Variants in ELMO1 observed in about 807,000 individuals in gnomAD.
The protein encoded by ELMO1 is engulfment and cell motility protein 1.
In ELMO1, 26 loss-of-function variants were observed where a neutral mutation model predicts 98.9. The observed-to-expected ratio is 0.26, with a 90% CI of 0.19 to 0.36. ELMO1 has a LOEUF of 0.36. Among genes scored for constraint, ELMO1 ranks in the 10% least tolerant of loss-of-function variants. The pLI, the probability that ELMO1 is intolerant of heterozygous loss-of-function variation, is 1.00. For missense variants in ELMO1, 627 were observed against 935.2 expected (o/e 0.67, Z 4.30); for synonymous variants, 346 against 346.0 (o/e 1.00, Z 0.00).
intron 15 of ELMO1, among the ~76,000 whole-genome samples, chr7:37,064,822 C>A (rs1188596583): frequency 1.3e-5 from 2 of 152,144 alleles, no homozygotes; most frequent in Non-Finnish European, 2.9e-5. Flanking sequence ...ACAGTGGATC[C>A]TGTCTATCTG....
chr7:37,446,442 G>A (rs1017589056), intron 1 of ELMO1, among the ~76,000 whole-genome samples: 1 of 152,252 alleles, frequency 6.6e-6, no homozygotes, highest in Middle Eastern at 3.4e-3. Context: ...GCCAGGGAAG[G>A]CCCCCTATAA....
Position 36,886,809 on chromosome 7 carries a change from AT to A in ELMO1, c.1714+750del, listed in dbSNP as rs565950309. 1.8e-3 allele frequency among the ~76,000 whole-genome samples: 273 copies of A among 152,320 alleles called. 1 individual carries two copies. The highest frequency in any genetic ancestry group is 5.9e-3 in the African/African-American group (247 of 41,570). ...CTTTTGACATCCATTTGAATTTGAC[AT>A]TTTGAGGTTAGAATTTATAGAGACA... On this transcript the variant is annotated intron_variant, in intron 18 of 21. Transcript: ENST00000310758.
intron 13 of ELMO1, among the ~76,000 whole-genome samples, chr7:37,210,569 T>C (rs1792903392): frequency 6.6e-6 from 1 of 151,048 alleles, no homozygotes; most frequent in African/African-American, 2.4e-5. Context: ...ATATATAAAA[T>C]ATATACACCT....
At chr7:36,983,619 T>A (rs1045045105) in intron 16 of ELMO1, among the ~76,000 whole-genome samples, 1 of 152,164 alleles carries the variant, frequency 6.6e-6, no homozygotes, top group Admixed American at 6.6e-5. Flanking sequence ...AAAAACTTAG[T>A]CCCATTAGGG....
chr7:37,379,188 T>C (rs1802486799), intron 1 of ELMO1, among the ~76,000 whole-genome samples: 1 of 152,056 alleles, frequency 6.6e-6, no homozygotes, highest in Non-Finnish European at 1.5e-5. Flanking sequence ...TACAGGCGCC[T>C]ACCACCACTC....
intron 14 of ELMO1, among the ~76,000 whole-genome samples, chr7:37,109,759 C>A (rs1785144284): frequency 3.3e-5 from 5 of 152,156 alleles, no homozygotes; most frequent in Admixed American, 3.3e-4. Context: ...GCCTCAACAC[C>A]CACCCGGTCT....
chr7:37,344,529 C>CATAAACTT (rs1800895221), intron 1 of ELMO1, among the ~76,000 whole-genome samples: 3 of 152,296 alleles, frequency 2.0e-5, no homozygotes, highest in South Asian at 4.1e-4. Flanking sequence ...AACTGTGATC[C>CATAAACTT]ATAAACTTAT....
chr7:37,224,799 A>G lies in ELMO1; in HGVS notation c.701+80T>C, dbSNP rs1793776351. 3 of 1,554,472 alleles carry G rather than the reference A, an allele frequency of 1.9e-6. No homozygotes were observed. The African/African-American group carries it at 4.1e-5, about 21-fold the overall frequency. On this transcript the variant is annotated intron_variant, in intron 9 of 21. Transcript: ENST00000310758. ...CTGTACATTTAACCAAACTATAACAACATAAAACGTTTCCCAGTGCATTAC... is the reference window on the plus strand; with the variant it reads ...CTGTACATTTAACCAAACTATAACAGCATAAAACGTTTCCCAGTGCATTAC...
intron 15 of ELMO1, among the ~76,000 whole-genome samples, chr7:37,088,919 G>GAA (rs1370940152): frequency 6.6e-6 from 1 of 152,128 alleles, no homozygotes; most frequent in Non-Finnish European, 1.5e-5. Context: ...TGTAAGAGTA[G>GAA]AACGTGAAAA....
At chr7:37,447,714 C>CCACACACA (rs3054415) in intron 1 of ELMO1, among the ~76,000 whole-genome samples, 3,111 of 132,094 alleles carry the variant, frequency 0.024, 56 homozygotes, top group Middle Eastern at 0.091. Context: ...CGCGCACACA[C>CCACACACA]CACACACACA....
intron 2 of ELMO1, among the ~76,000 whole-genome samples, chr7:37,318,769 C>A (rs1289769715): frequency 6.6e-6 from 1 of 152,164 alleles, no homozygotes; most frequent in Non-Finnish European, 1.5e-5. Flanking sequence ...ATTCTTCCAT[C>A]TACCCCAATC....
chr7:37,120,002 G>C (rs1275466892), intron 14 of ELMO1, among the ~76,000 whole-genome samples: 1 of 152,192 alleles, frequency 6.6e-6, no homozygotes, highest in East Asian at 1.9e-4. Flanking sequence ...AAAAAGAATT[G>C]CCAGATATGT....
intron 15 of ELMO1, among the ~76,000 whole-genome samples, chr7:37,046,883 T>A (rs567265178): frequency 8.5e-5 from 13 of 152,338 alleles, no homozygotes; most frequent in Non-Finnish European, 1.6e-4. Flanking sequence ...GGTTTTCAAA[T>A]CCTTTTCAAG....
At chr7:37,249,481 A>G (rs1294553411) in intron 6 of ELMO1, among the ~76,000 whole-genome samples, 1 of 152,218 alleles carries the variant, frequency 6.6e-6, no homozygotes, top group Non-Finnish European at 1.5e-5. Flanking sequence ...TTTTGGAGAA[A>G]TGACCTCAAT....
chr7:36,857,103 T>C (rs899296310), intron 21 of ELMO1, among the ~76,000 whole-genome samples: 2 of 152,180 alleles, frequency 1.3e-5, no homozygotes, highest in African/African-American at 4.8e-5. Flanking sequence ...ACAATGGGTG[T>C]ATTATGAGAT....
At chr7:37,122,878 G>C (rs1198019158) in intron 14 of ELMO1, among the ~76,000 whole-genome samples, 3 of 152,056 alleles carry the variant, frequency 2.0e-5, no homozygotes, top group Non-Finnish European at 2.9e-5. Context: ...TGACCACATA[G>C]TTAGAAGTAA....
intron 14 of ELMO1, among the ~76,000 whole-genome samples, chr7:37,119,798 C>T (rs1785877846): frequency 6.6e-6 from 1 of 152,078 alleles, no homozygotes. Flanking sequence ...TTTTTAAAGG[C>T]ATTTCTATTC....
chr7:37,325,630 C>G (rs10245068), intron 2 of ELMO1, among the ~76,000 whole-genome samples: 1 of 151,878 alleles, frequency 6.6e-6, no homozygotes, highest in African/African-American at 2.4e-5. Flanking sequence ...TAAAAAAAAA[C>G]CTACCTGACA....
At chr7:37,074,992 A>AT (rs1196452390) in intron 15 of ELMO1, among the ~76,000 whole-genome samples, 1 of 152,086 alleles carries the variant, frequency 6.6e-6, no homozygotes, top group African/African-American at 2.4e-5. Context: ...GAACCCTGAA[A>AT]TTGCTTTCTC....
Sources: gnomAD v4.1 joint callset for allele counts (sites outside exome capture counted in the v4.1 genomes callset) on GRCh38, gnomAD v4.1.1 for gene constraint, MANE v1.5 for transcripts, NCBI Gene and HGNC (gene_info 2026-07-23, HGNC 2026-07-21) for gene names.